Variants in CSMD1 observed in about 807,000 individuals in gnomAD.
CSMD1 encodes the protein CUB and sushi domain-containing protein 1.
CSMD1 carries 213 observed loss-of-function variants against 417.5 expected under a neutral mutation model. The ratio of observed to expected loss-of-function variants is 0.51; its 90% CI spans 0.46 to 0.57. The LOEUF is 0.57. CSMD1 is among the 20% of genes least tolerant of loss of function. CSMD1 has a pLI of 0.00. For missense variants in CSMD1, 6,923 were observed against 4,529.7 expected, an observed-to-expected ratio of 1.53 and a Z score of -15.17; for synonymous variants, 2,862 against 1,736.8, an observed-to-expected ratio of 1.65 and a Z score of -16.11.
chr8:2,986,189 G>A (rs572370685), intron 54 of CSMD1, among the ~76,000 whole-genome samples: 117 of 152,238 alleles, frequency 7.7e-4, no homozygotes, highest in African/African-American at 2.8e-3. Flanking sequence ...ACTTTCCTGC[G>A]ATAATATAAA....
chr8:3,495,880 A>C (rs1262839787), intron 10 of CSMD1, among the ~76,000 whole-genome samples: 1 of 152,110 alleles, frequency 6.6e-6, no homozygotes, highest in Non-Finnish European at 1.5e-5. Context: ...TGGATGCTCC[A>C]TATTTCTTTT....
intron 5 of CSMD1, among the ~76,000 whole-genome samples, chr8:3,806,182 C>A (rs115859369): frequency 2.0e-5 from 3 of 152,128 alleles, no homozygotes; most frequent in African/African-American, 4.8e-5. Context: ...TACCTTGGGT[C>A]GTCCATTCAA....
intron 2 of CSMD1, among the ~76,000 whole-genome samples, chr8:4,582,071 C>CT (rs143519322): frequency 2.4e-3 from 357 of 148,254 alleles, no homozygotes; most frequent in East Asian, 4.0e-3. Context: ...TTCCGAGCCT[C>CT]TTTTTTTTTT....
At chr8:3,393,373 C>G (rs1051215962) in intron 17 of CSMD1, among the ~76,000 whole-genome samples, 4 of 152,200 alleles carry the variant, frequency 2.6e-5, no homozygotes, top group African/African-American at 9.7e-5. Context: ...GAATGCTAGA[C>G]TCTCCAGCAG....
At chr8:3,018,940 T>C (rs1429476119) in intron 51 of CSMD1, among the ~76,000 whole-genome samples, 1 of 152,148 alleles carries the variant, frequency 6.6e-6, no homozygotes, top group Non-Finnish European at 1.5e-5. Flanking sequence ...GTTGTTGGCA[T>C]GGAGTCTTAC....
At chr8:4,711,498 A>T (rs768929033) in intron 1 of CSMD1, among the ~76,000 whole-genome samples, 2 of 152,174 alleles carry the variant, frequency 1.3e-5, no homozygotes, top group East Asian at 3.9e-4. Context: ...ATTTTCAGAG[A>T]AAGTATTTTT....
At chr8:3,685,802 T>C (rs1376338486) in intron 7 of CSMD1, among the ~76,000 whole-genome samples, 2 of 152,160 alleles carry the variant, frequency 1.3e-5, no homozygotes, top group Non-Finnish European at 2.9e-5. Flanking sequence ...TATACATTTA[T>C]AAAGTACATG....
chr8:2,943,230 C>CTT (rs56129101), intron 68 of CSMD1, among the ~76,000 whole-genome samples: 8 of 144,484 alleles, frequency 5.5e-5, no homozygotes, highest in East Asian at 2.0e-4. Context: ...ATTAATTTTT[C>CTT]TTTTTTTTTT....
At chr8:3,728,140 T>A in intron 6 of CSMD1, among the ~76,000 whole-genome samples, 1 of 152,154 alleles carries the variant, frequency 6.6e-6, no homozygotes, top group Non-Finnish European at 1.5e-5. Context: ...AGGGACCCAG[T>A]GGGAGATAAA....
chr8:4,689,172 G>A (rs1806594684), intron 1 of CSMD1, among the ~76,000 whole-genome samples: 1 of 152,082 alleles, frequency 6.6e-6, no homozygotes, highest in Non-Finnish European at 1.5e-5. Flanking sequence ...CCCCAAATCT[G>A]GAAATTTCAA....
rs531949098 is a variant in CSMD1, at chr8:4,127,326, T to C, written c.416-95227A>G. On this transcript the variant is annotated intron_variant, in intron 3 of 69. Coordinates refer to ENST00000635120, the MANE Select transcript of CSMD1 (RefSeq NM_033225.6). ...ATTTCTTATTCTAGACTTCTTTCTT[T>C]CTGGCAGTACAAGCCTCTCCCTTCC... 5.5e-4 allele frequency among the ~76,000 whole-genome samples: 83 copies of C among 152,014 alleles called. 1 individual carries two copies. In the South Asian group the frequency reaches 0.01, roughly 19 times the overall value.
At chr8:4,367,623 T>C (rs139073282) in intron 3 of CSMD1, among the ~76,000 whole-genome samples, 4 of 152,280 alleles carry the variant, frequency 2.6e-5, no homozygotes, top group African/African-American at 9.6e-5. Context: ...ACTTTGATAT[T>C]AATATTGAAT....
intron 6 of CSMD1, among the ~76,000 whole-genome samples, chr8:3,726,269 C>T (rs557219416): frequency 3.9e-5 from 6 of 152,320 alleles, no homozygotes; most frequent in East Asian, 1.9e-4. Flanking sequence ...CCCAGCTAGG[C>T]TGCACATCGT....
chr8:3,387,428 C>G (rs1811073023), intron 18 of CSMD1, 66 bp downstream of exon 18: 1 of 1,352,356 alleles, frequency 7.4e-7, no homozygotes. Context: ...CACCACCCAG[C>G]TAGTTAGACG....
At chr8:4,547,991 G>A (rs556412640) in intron 2 of CSMD1, among the ~76,000 whole-genome samples, 2 of 152,234 alleles carry the variant, frequency 1.3e-5, no homozygotes, top group South Asian at 4.1e-4. Flanking sequence ...TGTAGGCCAG[G>A]CACTCCCAAG....
intron 2 of CSMD1, among the ~76,000 whole-genome samples, chr8:4,545,402 G>A (rs1157473719): frequency 1.3e-5 from 2 of 152,094 alleles, no homozygotes; most frequent in African/African-American, 4.8e-5. Context: ...AACACTCAAC[G>A]TCTGCCTTGA....
chr8:3,092,848 C>T (rs189018542), intron 47 of CSMD1, among the ~76,000 whole-genome samples: 1 of 152,334 alleles, frequency 6.6e-6, no homozygotes, highest in East Asian at 1.9e-4. Flanking sequence ...TGGCATTTTG[C>T]ATTTCACAGT....
intron 3 of CSMD1, among the ~76,000 whole-genome samples, chr8:4,365,768 T>C (rs556236473): frequency 1.3e-5 from 2 of 152,306 alleles, no homozygotes; most frequent in African/African-American, 4.8e-5. Context: ...TGACCGAATT[T>C]ATAGTCAAGT....
At chr8:4,949,517 G>T (rs138451829) in intron 1 of CSMD1, among the ~76,000 whole-genome samples, 316 of 152,266 alleles carry the variant, frequency 2.1e-3, no homozygotes, top group Middle Eastern at 0.02. Flanking sequence ...CCTCCCAGGG[G>T]ATATGCTGCA....
Sources: gnomAD v4.1 joint callset for allele counts (sites outside exome capture counted in the v4.1 genomes callset) on GRCh38, gnomAD v4.1.1 for gene constraint, MANE v1.5 for transcripts, NCBI Gene and HGNC (gene_info 2026-07-23, HGNC 2026-07-21) for gene names.